The following ST7L variants were observed in gnomAD, a reference collection of about 807,000 sequenced individuals.
ST7L encodes suppressor of tumorigenicity 7 protein-like.
In ST7L, 57 loss-of-function variants were observed where a neutral mutation model predicts 72.5. That is an observed-to-expected ratio of 0.79 (90% CI 0.64 to 0.98). The LOEUF (loss-of-function observed/expected upper bound fraction) is 0.98. ST7L is among the 50% of genes least tolerant of loss of function. The probability of loss-of-function intolerance (pLI) is 0.00; values close to 1 mark genes in which losing one functional copy is unlikely to be tolerated. For synonymous variants in ST7L, 221 were observed against 240.9 expected (o/e 0.92, Z 0.77); for missense variants, 576 against 672.2 (o/e 0.86, Z 1.58).
intron 12 of ST7L, 83 bp downstream of exon 12, chr1:112,555,785 A>G (rs987785521): frequency 3.2e-5 from 41 of 1,285,430 alleles, no homozygotes; most frequent in Non-Finnish European, 4.0e-5. Flanking sequence ...ATGGAAACCC[A>G]GACAATCTCA....
At chr1:112,619,208 C>A, upstream of ST7L, 6 of 1,268,674 alleles carry the variant, frequency 4.7e-6, no homozygotes, top group Non-Finnish European at 6.6e-6. Flanking sequence ...TGAAGTTGGC[C>A]TCTGTGAAGG....
rs115885592 is a variant in ST7L at position 112,597,061 on chromosome 1, G to C, written c.622+910C>G. 9.1e-4 allele frequency among the ~76,000 whole-genome samples: 139 copies of C among 152,304 alleles called. 1 individual carries two copies. The highest frequency in any genetic ancestry group is 3.2e-3 in the African/African-American group (134 of 41,562). On this transcript the variant is annotated intron_variant, in intron 5 of 14. Transcript: ENST00000358039. ...CTGTCCAAAAGTTTATACCCTAGTA[G>C]CAAAGACAAACATGAAAGCAATATA... is the stretch of plus-strand genomic sequence containing the variant.
Position 112,526,018 on chromosome 1 carries a change from C to A in ST7L, c.1723G>T (p.Gly575Cys), listed in dbSNP as rs1653310103. ...LKSEDLGLSS[G>C] is the part of the protein sequence containing the mutation. ...TCACATGAACAGTGCGTGGCTCAGCCAGAACTCAAACCTAGGTCTTCTGAC... is the reference window on the plus strand; with the variant it reads ...TCACATGAACAGTGCGTGGCTCAGCAAGAACTCAAACCTAGGTCTTCTGAC... The change falls in exon 15 of 15, where the codon GGC (glycine) becomes TGC (cysteine). Residue 575 changes from glycine (G) to cysteine (C), a missense_variant. Physicochemically the swap from Gly to Cys is radical, Grantham distance 159. This residue lies in a region of ST7L where 511 missense variants were observed against 600.7 expected (regional missense o/e 0.85). Coordinates refer to ENST00000358039, the MANE Select transcript of ST7L (RefSeq NM_017744.5). 1 of 1,614,120 alleles carries A rather than the reference C, an allele frequency of 6.2e-7. No homozygotes were observed. Among genetic ancestry groups the A allele is most frequent in the Non-Finnish European group, 8.5e-7 (1 of 1,180,010 alleles).
Position 112,578,392 on chromosome 1 carries a change from T to C in ST7L, c.1095A>G (p.Ala365=). ...YDDISLPKSA[A]ICYTAALLKT... ...TCAACAGTGCTGCTGTGTAACAGAT[T>C]GCTGCTGACTTTGGAAGGCTTATAT... Residue 365 remains alanine, a synonymous_variant, in exon 10 of 15, where the codon GCA becomes GCG. Transcript: ENST00000358039. The C allele has an allele frequency of 1.2e-6, 2 of 1,614,186 alleles. No homozygotes were observed. Among genetic ancestry groups the C allele is most frequent in the East Asian group, 2.2e-5 (1 of 44,872 alleles).
rs756723839 is a variant in ST7L, at chr1:112,550,699, GA to G, written c.1397-7del. 10 of 1,602,318 alleles carry G rather than the reference GA, an allele frequency of 6.2e-6. No homozygotes were observed. Among genetic ancestry groups the G allele is most frequent in the African/African-American group, 4.0e-5 (3 of 74,238 alleles). The stretch of plus-strand genomic sequence containing the variant: ...GTATGGAATCATTCTAAAAGCTGAG[GA>G]AAAAAAAGCATGTGTTGATACTCAA... On this transcript the variant is annotated splice_region_variant and splice_polypyrimidine_tract_variant and intron_variant, in intron 12 of 14. Transcript: ENST00000358039.
chr1:112,565,952 AG>A (rs1660942905), intron 11 of ST7L, among the ~76,000 whole-genome samples: 1 of 151,982 alleles, frequency 6.6e-6, no homozygotes, highest in African/African-American at 2.4e-5. Context: ...CTGAGGCTGC[AG>A]TGAGTCATGA....
At chr1:112,570,913 T>C (rs1662001105) in intron 11 of ST7L, among the ~76,000 whole-genome samples, 4 of 152,328 alleles carry the variant, frequency 2.6e-5, no homozygotes, top group Admixed American at 2.6e-4. Context: ...CTCACGCCTG[T>C]AATCCCAGCA....
chr1:112,550,653 T>C lies in ST7L; in HGVS notation c.1437A>G (p.Leu479=), dbSNP rs762870750. 1.9e-6 allele frequency: 3 copies of C among 1,613,542 alleles called. No homozygotes were observed. In the South Asian group the frequency reaches 3.3e-5, roughly 18 times the overall value. Residue 479 remains leucine (L), a synonymous_variant, in exon 13 of 15, where the codon CTA becomes CTG. Transcript: ENST00000358039. ...MIPYPLEKGH[L]FYPYPSCTET... ...CTGTGCAGCTGGGATAAGGGTAAAA[T>C]AGATGTCCTTTCTCTAACGGGTATG...
At chr1:112,541,665 G>C (rs1296631153) in intron 14 of ST7L, 2 of 520,654 alleles carry the variant, frequency 3.8e-6, no homozygotes, top group Admixed American at 4.8e-5. Context: ...ACCAAAGATA[G>C]TAACAAATGC....
At chr1:112,551,063 A>G (rs1020511416) in intron 12 of ST7L, among the ~76,000 whole-genome samples, 4 of 147,962 alleles carry the variant, frequency 2.7e-5, no homozygotes, top group Non-Finnish European at 4.5e-5. Context: ...GGCCATTACT[A>G]TTGGCAACCT....
At chr1:112,617,032 T>A in intron 1 of ST7L, 137 bp from the exon 2 acceptor site, 2 of 555,896 alleles carry the variant, frequency 3.6e-6, no homozygotes, top group East Asian at 3.3e-5. Flanking sequence ...GAAAAAGTTT[T>A]AATTTGTATA....
At chr1:112,542,827 T>A (rs1490853886) in intron 13 of ST7L, among the ~76,000 whole-genome samples, 1 of 151,142 alleles carries the variant, frequency 6.6e-6, no homozygotes, top group Non-Finnish European at 1.5e-5. Flanking sequence ...AGAAGAAGAG[T>A]CTCGCTCTGT....
At chr1:112,584,468 T>G (rs550770696) in intron 6 of ST7L, among the ~76,000 whole-genome samples, 80 of 152,184 alleles carry the variant, frequency 5.3e-4, no homozygotes, top group Admixed American at 1.4e-3. Context: ...TTATCTGAAT[T>G]GTATACCCTC....
intron 11 of ST7L, among the ~76,000 whole-genome samples, chr1:112,571,608 T>C (rs578084949): frequency 8.5e-5 from 13 of 152,248 alleles, no homozygotes; most frequent in Non-Finnish European, 1.6e-4. Context: ...GTATTTTTAG[T>C]AGAGATGGGG....
intron 11 of ST7L, among the ~76,000 whole-genome samples, chr1:112,557,758 G>A (rs569030296): frequency 6.6e-6 from 1 of 152,150 alleles, no homozygotes; most frequent in Non-Finnish European, 1.5e-5. Context: ...GAGAACAGCA[G>A]GAGGACATAA....
chr1:112,592,147 C>A (rs937062410), intron 5 of ST7L, among the ~76,000 whole-genome samples: 3 of 151,160 alleles, frequency 2.0e-5, no homozygotes, highest in African/African-American at 7.3e-5. Flanking sequence ...CAGCCTCTAT[C>A]AGGATTCAAC....
At chr1:112,541,676 T>C in intron 14 of ST7L, 1 of 607,718 alleles carries the variant, frequency 1.6e-6, no homozygotes, top group Non-Finnish European at 2.3e-6. Context: ...TAACAAATGC[T>C]GTTTATCACC....
At chr1:112,572,939 A>C (rs1662381812) in intron 11 of ST7L, among the ~76,000 whole-genome samples, 1 of 152,200 alleles carries the variant, frequency 6.6e-6, no homozygotes, top group Non-Finnish European at 1.5e-5. Flanking sequence ...TGAACCAGAA[A>C]ATAAATAGTA....
intron 12 of ST7L, among the ~76,000 whole-genome samples, chr1:112,553,783 T>C (rs1228995096): frequency 6.6e-6 from 1 of 152,190 alleles, no homozygotes; most frequent in Non-Finnish European, 1.5e-5. Context: ...TATAATGATA[T>C]TGAAAGGAAT....
Sources: allele counts gnomAD v4.1 joint callset (sites outside exome capture counted in the v4.1 genomes callset), GRCh38; gene constraint gnomAD v4.1.1; regional missense constraint gnomAD v4.1.1; transcripts MANE v1.5; gene names NCBI Gene and HGNC (gene_info 2026-07-23, HGNC 2026-07-21).